PIP4K2A: variants seen among roughly 807,000 people sequenced by gnomAD.
PIP4K2A encodes the protein phosphatidylinositol-5-phosphate 4-kinase type 2 alpha, also known as phosphatidylinositol 5-phosphate 4-kinase type-2 alpha.
A neutral mutation model predicts 42.9 loss-of-function variants in PIP4K2A; 14 were observed. The observed-to-expected ratio is 0.33, with a 90% CI of 0.22 to 0.51. PIP4K2A has a LOEUF of 0.51. Among genes scored for constraint, PIP4K2A ranks in the 20% least tolerant of loss-of-function variants. PIP4K2A has a pLI of 0.97. For missense variants in PIP4K2A, 434 were observed against 519.8 expected, an observed-to-expected ratio of 0.83 and a Z score of 1.61; for synonymous variants, 192 against 192.2, an observed-to-expected ratio of 1.00 and a Z score of 0.01.
intron 1 of PIP4K2A, among the ~76,000 whole-genome samples, chr10:22,623,569 G>A (rs972271680): frequency 6.8e-6 from 1 of 147,196 alleles, no homozygotes; most frequent in East Asian, 1.9e-4. Context: ...TATTGGAAGG[G>A]AGGTACCCCC....
chr10:22,596,205 CAAAAAA>C (rs10681238), intron 3 of PIP4K2A, among the ~76,000 whole-genome samples: 37 of 69,666 alleles, frequency 5.3e-4, no homozygotes, highest in African/African-American at 2.0e-3. Flanking sequence ...AACTCCGTCT[CAAAAAA>C]AAAAAAAAAA....
At chr10:22,676,970 G>T (rs1413860020) in intron 1 of PIP4K2A, among the ~76,000 whole-genome samples, 1 of 152,140 alleles carries the variant, frequency 6.6e-6, no homozygotes. Context: ...TACAATCTGT[G>T]CCACCAATAC....
intron 3 of PIP4K2A, among the ~76,000 whole-genome samples, chr10:22,604,708 ACC>A (rs1403945344): frequency 6.6e-6 from 1 of 152,118 alleles, no homozygotes; most frequent in Non-Finnish European, 1.5e-5. Context: ...AGCAGCCAGT[ACC>A]CAGGAGTGAC....
At chr10:22,607,433 A>G (rs1258598555) in intron 3 of PIP4K2A, among the ~76,000 whole-genome samples, 1 of 152,202 alleles carries the variant, frequency 6.6e-6, no homozygotes, top group Non-Finnish European at 1.5e-5. Flanking sequence ...GTCACTCCAC[A>G]GTCCAGCACT....
intron 4 of PIP4K2A, among the ~76,000 whole-genome samples, chr10:22,577,689 T>C (rs1837156610): frequency 6.6e-6 from 1 of 152,006 alleles, no homozygotes; most frequent in African/African-American, 2.4e-5. Context: ...CTTCTGAGAG[T>C]GGTCTCTCCA....
At chr10:22,575,267 C>A (rs1837083731) in intron 4 of PIP4K2A, among the ~76,000 whole-genome samples, 1 of 152,162 alleles carries the variant, frequency 6.6e-6, no homozygotes, top group South Asian at 2.1e-4. Flanking sequence ...AACTGACATA[C>A]AGACATGTAC....
At chr10:22,648,123 T>A (rs536870470) in intron 1 of PIP4K2A, among the ~76,000 whole-genome samples, 1 of 152,332 alleles carries the variant, frequency 6.6e-6, no homozygotes, top group South Asian at 2.1e-4. Context: ...CCAGTCTCTG[T>A]CCTTTCAGAG....
chr10:22,553,963 C>A (rs1173045037), intron 6 of PIP4K2A, among the ~76,000 whole-genome samples: 1 of 151,806 alleles, frequency 6.6e-6, no homozygotes. Flanking sequence ...TAGTGAGACT[C>A]CATCTCTACA....
chr10:22,645,129 T>C (rs990012870), intron 1 of PIP4K2A, among the ~76,000 whole-genome samples: 45 of 152,256 alleles, frequency 3.0e-4, no homozygotes, highest in Admixed American at 2.7e-3. Context: ...TTTTAAAATT[T>C]TGATTCTCCA....
At chr10:22,705,427 A>T (rs1312330190) in intron 1 of PIP4K2A, among the ~76,000 whole-genome samples, 267 of 20,212 alleles carry the variant, frequency 0.013, no homozygotes, top group African/African-American at 0.1. Context: ...TACCCCAGTT[A>T]AAAAAAAAAA....
chr10:22,589,255 T>C (rs1837460364), intron 4 of PIP4K2A, among the ~76,000 whole-genome samples: 1 of 152,184 alleles, frequency 6.6e-6, no homozygotes, highest in South Asian at 2.1e-4. Flanking sequence ...AAGTATGATA[T>C]CAATTTCCAG....
chr10:22,568,680 C>G (rs1018927069), intron 5 of PIP4K2A, among the ~76,000 whole-genome samples: 2 of 152,052 alleles, frequency 1.3e-5, no homozygotes, highest in East Asian at 1.9e-4. Flanking sequence ...CGGAGGCCGA[C>G]GGGGAGGCTT....
chr10:22,614,407 A>G (rs1453878501), intron 1 of PIP4K2A, among the ~76,000 whole-genome samples: 1 of 152,202 alleles, frequency 6.6e-6, no homozygotes, highest in African/African-American at 2.4e-5. Flanking sequence ...CAGGATACTG[A>G]GTTAGATCTG....
intron 1 of PIP4K2A, among the ~76,000 whole-genome samples, chr10:22,642,752 G>T (rs1382532519): frequency 2.0e-5 from 3 of 151,330 alleles, no homozygotes; most frequent in East Asian, 2.0e-4. Flanking sequence ...AAAGATCTAG[G>T]GCTTGGAAAA....
chr10:22,572,151 G>A (rs1332058750), intron 5 of PIP4K2A, among the ~76,000 whole-genome samples: 1 of 152,216 alleles, frequency 6.6e-6, no homozygotes, highest in Admixed American at 6.5e-5. Flanking sequence ...AAATGTCAGA[G>A]ACCAGAGTTT....
At chr10:22,626,127 G>A (rs948572096) in intron 1 of PIP4K2A, among the ~76,000 whole-genome samples, 2 of 152,098 alleles carry the variant, frequency 1.3e-5, no homozygotes, top group Non-Finnish European at 2.9e-5. Flanking sequence ...TGCATTCCAG[G>A]AGCCTGCAAA....
intron 4 of PIP4K2A, among the ~76,000 whole-genome samples, chr10:22,585,515 GGTATTTCTT>G (rs1472687710): frequency 7.2e-5 from 11 of 152,224 alleles, no homozygotes; most frequent in African/African-American, 2.4e-4. Context: ...ATTTTCATAA[GGTATTTCTT>G]GATCACCTAT....
At chr10:22,577,777 C>G (rs570168100) in intron 4 of PIP4K2A, among the ~76,000 whole-genome samples, 1 of 152,312 alleles carries the variant, frequency 6.6e-6, no homozygotes, top group South Asian at 2.1e-4. Flanking sequence ...TCTCCCTCCA[C>G]TAGCAGCTTC....
intron 1 of PIP4K2A, among the ~76,000 whole-genome samples, chr10:22,626,670 T>C (rs1177795922): frequency 1.3e-5 from 2 of 152,184 alleles, no homozygotes; most frequent in Admixed American, 6.5e-5. Flanking sequence ...CCGGTATAGA[T>C]ACAAATTTAC....
Sources: allele counts gnomAD v4.1 joint callset (sites outside exome capture counted in the v4.1 genomes callset), GRCh38; gene constraint gnomAD v4.1.1; transcripts MANE v1.5; gene names NCBI Gene and HGNC (gene_info 2026-07-23, HGNC 2026-07-21).